The following CACNA2D2 variants were observed in gnomAD, a reference collection of about 807,000 sequenced individuals.
CACNA2D2 encodes voltage-dependent calcium channel subunit alpha-2/delta-2.
CACNA2D2 carries 48 observed loss-of-function variants against 166.4 expected under a neutral mutation model. The ratio of observed to expected loss-of-function variants is 0.29; its 90% confidence interval spans 0.23 to 0.37. The LOEUF is 0.37. Ranked by LOEUF, CACNA2D2 falls within the 10% of genes least tolerant of loss-of-function variation. CACNA2D2 has a pLI of 1.00. For missense variants in CACNA2D2, 1,122 were observed against 1,433.0 expected, an observed-to-expected ratio of 0.78 and a Z score of 3.50; for synonymous variants, 561 against 573.7, an observed-to-expected ratio of 0.98 and a Z score of 0.32.
At chr3:50,503,195 C>A (rs1367278155) in intron 1 of CACNA2D2, 23 bp downstream of exon 1, 5 of 1,176,906 alleles carry the variant, frequency 4.2e-6, no homozygotes, top group Non-Finnish European at 5.3e-6. Context: ...GCCGGGGTCT[C>A]GCGGCCGGCC....
intron 3 of CACNA2D2, among the ~76,000 whole-genome samples, chr3:50,415,522 T>C (rs1418554671): frequency 1.3e-5 from 2 of 152,150 alleles, no homozygotes; most frequent in Non-Finnish European, 2.9e-5. Flanking sequence ...AAAAAAAAGT[T>C]GCTGATAAGC....
intron 3 of CACNA2D2, among the ~76,000 whole-genome samples, chr3:50,431,378 G>T (rs1290392757): frequency 2.0e-5 from 3 of 152,166 alleles, no homozygotes; most frequent in Non-Finnish European, 4.4e-5. Context: ...ACAGCCAGGG[G>T]TGCTGCAGCA....
rs1377936740 is a variant in CACNA2D2 at position 50,380,557 on chromosome 3, G to C, written c.842+191C>G. Among the ~76,000 whole-genome samples the C allele has an allele frequency of 2.6e-5, 4 of 152,176 alleles. No homozygotes were observed. The highest frequency in any genetic ancestry group is 5.9e-5 in the Non-Finnish European group (4 of 68,034). ...GGTGGGGGTGCTGGGCAGTGGACGG[G>C]GGGCATGGCAGCTGGGAGGCCTGCC... is the stretch of plus-strand genomic sequence containing the variant. On this transcript the variant is annotated intron_variant, in intron 8 of 37. Coordinates refer to ENST00000424201, the MANE Select transcript of CACNA2D2 (RefSeq NM_006030.4). The surrounding 1 kb of genome is among the most constrained non-coding windows in gnomAD (Gnocchi z 4.9).
intron 2 of CACNA2D2, among the ~76,000 whole-genome samples, chr3:50,447,472 G>A (rs1465211547): frequency 1.3e-5 from 2 of 152,162 alleles, no homozygotes; most frequent in Admixed American, 6.5e-5. Context: ...AGGAGGACAA[G>A]AGCGGAACAA....
rs1708210975 is a variant in CACNA2D2 at position 50,434,356 on chromosome 3, C to T, written c.362G>A (p.Gly121Glu). 6.2e-7 allele frequency: 1 copy of T among 1,614,016 alleles called. No homozygotes were observed. Among genetic ancestry groups the T allele is most frequent in the East Asian group, 2.2e-5 (1 of 44,878 alleles). ...CCTGTCCAGAAGGCTCTCAATGTCC[C>T]CTGCCACCTTCTCCACCAACTTCTG... ...EPQKLVEKVA[G>E]DIESLLDRKV... The change falls in exon 3 of 38, where the codon GGG (glycine) becomes GAG (glutamate). Residue 121 changes from glycine to glutamate, a missense_variant. Coordinates refer to ENST00000424201, the MANE Select transcript of CACNA2D2 (RefSeq NM_006030.4).
chr3:50,407,985 T>G (rs189183032), intron 3 of CACNA2D2, among the ~76,000 whole-genome samples: 1 of 152,308 alleles, frequency 6.6e-6, no homozygotes, highest in East Asian at 1.9e-4. Flanking sequence ...GGTAGGTGTT[T>G]GTGCTTATGA....
At chr3:50,456,844 AG>A (rs1373109783) in intron 2 of CACNA2D2, among the ~76,000 whole-genome samples, 3 of 152,250 alleles carry the variant, frequency 2.0e-5, no homozygotes, top group Non-Finnish European at 4.4e-5. Context: ...AGAGCAGATC[AG>A]GACCCAGATT....
chr3:50,492,745 A>G (rs1698569560), intron 1 of CACNA2D2, among the ~76,000 whole-genome samples: 1 of 152,212 alleles, frequency 6.6e-6, no homozygotes, highest in Non-Finnish European at 1.5e-5. Context: ...CCTGGTCAGT[A>G]GGGCAGCCTC....
intron 3 of CACNA2D2, among the ~76,000 whole-genome samples, chr3:50,401,221 C>A (rs1031873420): frequency 1.3e-5 from 2 of 151,692 alleles, no homozygotes; most frequent in African/African-American, 4.9e-5. Context: ...AGGACTCATG[C>A]GTCTTCTGCA....
At chr3:50,373,468 G>A (rs1704769748) in intron 22 of CACNA2D2, among the ~76,000 whole-genome samples, 1 of 137,854 alleles carries the variant, frequency 7.3e-6, no homozygotes, top group Non-Finnish European at 1.6e-5. Context: ...CACAGGCAGA[G>A]GAGTGGGAGA....
chr3:50,374,670 C>T (rs1704874543), intron 22 of CACNA2D2, 67 bp downstream of exon 22: 11 of 1,536,470 alleles, frequency 7.2e-6, no homozygotes, highest in Non-Finnish European at 8.8e-6. Flanking sequence ...GGCTATGCTG[C>T]CTGGGGCCGG....
chr3:50,406,993 G>C (rs1706743130), intron 3 of CACNA2D2, among the ~76,000 whole-genome samples: 1 of 151,898 alleles, frequency 6.6e-6, no homozygotes, highest in Admixed American at 6.5e-5. Context: ...TCAGTGACCA[G>C]AGAGCTCATA....
In CACNA2D2 at chr3:50,377,553, A is replaced by G. The variant is rs587754429; in HGVS notation, c.1552-12T>C. 3.5e-5 allele frequency: 57 copies of G among 1,612,636 alleles called. No homozygotes were observed. The African/African-American group carries it at 7.2e-4, about 20-fold the overall frequency. On this transcript the variant is annotated splice_polypyrimidine_tract_variant and intron_variant, in intron 16 of 37. Coordinates refer to ENST00000424201, the MANE Select transcript of CACNA2D2 (RefSeq NM_006030.4). Reference sequence around the variant, plus strand: ...AGGATCAGCTGGTTCTGGGAGCAGAAGCATGGGGGGCTCCTCAGTGAGCTC... The same window carrying G: ...AGGATCAGCTGGTTCTGGGAGCAGAGGCATGGGGGGCTCCTCAGTGAGCTC...
At chr3:50,476,296 C>A in intron 1 of CACNA2D2, 97 bp from the exon 2 acceptor site, 1 of 883,564 alleles carries the variant, frequency 1.1e-6, no homozygotes, top group South Asian at 1.5e-5. Context: ...CAACTATCCA[C>A]TCACACCCCA....
At chr3:50,370,581 A>G (rs1704604025) in intron 22 of CACNA2D2, among the ~76,000 whole-genome samples, 1 of 151,996 alleles carries the variant, frequency 6.6e-6, no homozygotes, top group Non-Finnish European at 1.5e-5. Flanking sequence ...TGTGGAGACT[A>G]CAGCATCGCA....
intron 3 of CACNA2D2, among the ~76,000 whole-genome samples, chr3:50,421,005 C>T (rs965217980): frequency 1.3e-5 from 2 of 152,216 alleles, no homozygotes; most frequent in African/African-American, 4.8e-5. Flanking sequence ...GCCATCCCTT[C>T]CCCTGGGTTC....
rs1217831985 is a variant in CACNA2D2, at chr3:50,363,063, A to T, written c.*1603T>A. ...AGGATTAGACCCAGCTGGGGGTTAG[A>T]CAGCTACCTGATGGGGATTGTTTTG... On this transcript the variant is annotated 3_prime_UTR_variant, in exon 38 of 38. Transcript: ENST00000424201. The T allele has an allele frequency of 2.5e-6, 1 of 398,438 alleles. No homozygotes were observed. The highest frequency in any genetic ancestry group is 4.4e-6 in the Non-Finnish European group (1 of 226,048). 24.7% of individuals were successfully genotyped at this position (398,438 alleles called of 1,614,324 possible). A position where few individuals can be genotyped will look rare whatever the true frequency, so the allele number is the denominator to read the frequency against.
intron 2 of CACNA2D2, among the ~76,000 whole-genome samples, chr3:50,437,493 G>A (rs1373283020): frequency 6.6e-6 from 1 of 152,146 alleles, no homozygotes; most frequent in Non-Finnish European, 1.5e-5. Context: ...AGCCCTTGAG[G>A]TGCAACAGTC....
intron 3 of CACNA2D2, among the ~76,000 whole-genome samples, chr3:50,415,010 C>T (rs1327095411): frequency 6.6e-6 from 1 of 152,192 alleles, no homozygotes; most frequent in South Asian, 2.1e-4. Context: ...GCCATGGGCC[C>T]GTCTTTCCTC....
Sources: allele counts gnomAD v4.1 joint callset (sites outside exome capture counted in the v4.1 genomes callset), GRCh38; gene constraint gnomAD v4.1.1; non-coding constraint Gnocchi (gnomAD v3.1); transcripts MANE v1.5; gene names NCBI Gene and HGNC (gene_info 2026-07-23, HGNC 2026-07-21).